GPRC6A: variants seen among roughly 807,000 people sequenced by gnomAD.
GPRC6A encodes G protein-coupled receptor family C group 6 member A.
A neutral mutation model predicts 47.0 loss-of-function variants in GPRC6A; 54 were observed. The ratio of observed to expected loss-of-function variants is 1.15; its 90% CI spans 0.92 to 1.44. The LOEUF (loss-of-function observed/expected upper bound fraction) is 1.44. Among genes scored for constraint, GPRC6A ranks in the 40% most tolerant of loss-of-function variants. The probability of loss-of-function intolerance (pLI) is 0.00; values close to 1 mark genes in which losing one functional copy is unlikely to be tolerated. For missense variants in GPRC6A, 1,112 were observed against 1,105.5 expected (o/e 1.01, Z -0.08); for synonymous variants, 347 against 377.1 (o/e 0.92, Z 0.93).
chr6:116,805,666 G>A (rs917407318), intron 3 of GPRC6A, among the ~76,000 whole-genome samples: 4 of 152,118 alleles, frequency 2.6e-5, no homozygotes, highest in Middle Eastern at 3.4e-3. Flanking sequence ...TAAATTTTAA[G>A]TTTCCCCAAA....
At chr6:116,801,475 T>G (rs369869072) in intron 3 of GPRC6A, among the ~76,000 whole-genome samples, 1 of 152,100 alleles carries the variant, frequency 6.6e-6, no homozygotes, top group African/African-American at 2.4e-5. Flanking sequence ...ACTTAATATA[T>G]AAGTATGTCA....
At position 116,828,975 on chromosome 6, in the gene GPRC6A, A is replaced by G. The variant is rs1038752309; in HGVS notation, c.39T>C (p.Ile13=). 30 of 1,613,098 alleles carry G rather than the reference A, an allele frequency of 1.9e-5. No homozygotes were observed. The highest frequency in any genetic ancestry group is 2.5e-5 in the Non-Finnish European group (30 of 1,179,466). The change falls in exon 1 of 6, where the codon ATT becomes ATC. Residue 13 remains isoleucine (I), a synonymous_variant. Coordinates refer to ENST00000310357, the MANE Select transcript of GPRC6A (RefSeq NM_148963.4). ...FLIILITCFV[I]ILATSQPCQT... Reference sequence around the variant, plus strand: ...GGCAAGGCTGTGAAGTAGCAAGAATAATCACAAAGCAGGTAATTAGTATAA... The same window carrying G: ...GGCAAGGCTGTGAAGTAGCAAGAATGATCACAAAGCAGGTAATTAGTATAA...
At chr6:116,795,657 G>GAA in intron 5 of GPRC6A, 55 bp downstream of exon 5, 2 of 1,359,210 alleles carry the variant, frequency 1.5e-6, no homozygotes, top group Non-Finnish European at 2.0e-6. Context: ...TTCATGCAAA[G>GAA]AAAAAAAAAG....
At chr6:116,818,338 T>C (rs1248025360) in intron 1 of GPRC6A, among the ~76,000 whole-genome samples, 41 of 148,782 alleles carry the variant, frequency 2.8e-4, no homozygotes, top group African/African-American at 9.2e-4. Flanking sequence ...ATCGAGACCA[T>C]CCCGGCTAAC....
At chr6:116,823,810 C>A (rs1773587260) in intron 1 of GPRC6A, among the ~76,000 whole-genome samples, 1 of 151,998 alleles carries the variant, frequency 6.6e-6, no homozygotes, top group Admixed American at 6.6e-5. Flanking sequence ...ATAATTATGG[C>A]AGAAGGCAAA....
intron 1 of GPRC6A, among the ~76,000 whole-genome samples, chr6:116,810,108 C>T (rs1044032862): frequency 6.6e-6 from 1 of 152,102 alleles, no homozygotes; most frequent in Non-Finnish European, 1.5e-5. Context: ...AGTTCTGAGA[C>T]ATAGCTATTT....
intron 1 of GPRC6A, among the ~76,000 whole-genome samples, 154 bp from the exon 2 acceptor site, chr6:116,809,771 G>T (rs1772968203): frequency 6.6e-6 from 1 of 152,010 alleles, no homozygotes; most frequent in South Asian, 2.1e-4. Flanking sequence ...AATTTTTCAT[G>T]ATAATATTTA....
At chr6:116,814,732 C>T (rs1214495657) in intron 1 of GPRC6A, among the ~76,000 whole-genome samples, 1 of 151,316 alleles carries the variant, frequency 6.6e-6, no homozygotes, top group Non-Finnish European at 1.5e-5. Context: ...TGCACATGTA[C>T]CCTAGAAATT....
chr6:116,803,523 T>G (rs1474664946), intron 3 of GPRC6A, among the ~76,000 whole-genome samples: 3 of 152,132 alleles, frequency 2.0e-5, no homozygotes, highest in South Asian at 2.1e-4. Context: ...TCAATCCCAC[T>G]GTGGAACCAC....
chr6:116,828,926 C>T lies in GPRC6A; in HGVS notation c.88G>A (p.Ala30Thr), dbSNP rs1308531710. The part of the protein sequence containing the change: ...PCQTPDDFVA[A>T]TSPGHIIIGG... ...ATTATGATATGTCCCGGAGAAGTGGCAGCCACAAAGTCATCAGGGGTCTGG... is the reference window on the plus strand; with the variant it reads ...ATTATGATATGTCCCGGAGAAGTGGTAGCCACAAAGTCATCAGGGGTCTGG... Residue 30 changes from alanine to threonine, a missense_variant, in exon 1 of 6, where the codon GCC (alanine) becomes ACC (threonine). Coordinates refer to ENST00000310357, the MANE Select transcript of GPRC6A (RefSeq NM_148963.4). The T allele has an allele frequency of 5.0e-6, 8 of 1,613,152 alleles. No individual in the cohort carries two copies. The highest frequency in any genetic ancestry group is 1.1e-5 in the South Asian group (1 of 91,022).
chr6:116,801,419 A>G (rs1167895258), intron 3 of GPRC6A, among the ~76,000 whole-genome samples: 2 of 152,170 alleles, frequency 1.3e-5, no homozygotes, highest in African/African-American at 2.4e-5. Context: ...GAAGAACAAT[A>G]GGCTGGAATG....
chr6:116,823,310 C>G (rs1204351139), intron 1 of GPRC6A, among the ~76,000 whole-genome samples: 1 of 152,156 alleles, frequency 6.6e-6, no homozygotes, highest in Non-Finnish European at 1.5e-5. Context: ...TCATCACTCT[C>G]AAGTTCAAAG....
At position 116,795,780 on chromosome 6, in the gene GPRC6A, G is replaced by C. The variant is rs138857695; in HGVS notation, c.1604C>G (p.Thr535Arg). 2.1e-5 allele frequency: 33 copies of C among 1,608,434 alleles called. No individual in the cohort carries two copies. The African/African-American group carries it at 3.9e-4, about 19-fold the overall frequency. Residue 535 changes from threonine to arginine, a missense_variant, in exon 5 of 6, where the codon ACA becomes AGA. Transcript: ENST00000310357. ...ATAGCAACAGATGTGTTGACTTCTT[G>C]TAGTTTTCTTCATTTGCCCAGGACT... ...ECSPGQMKKT[T>R]RSQHICCYEC...
chr6:116,793,922 C>A (rs779623995), intron 5 of GPRC6A, among the ~76,000 whole-genome samples: 1 of 152,084 alleles, frequency 6.6e-6, no homozygotes, highest in African/African-American at 2.4e-5. Context: ...AAATTGTAAT[C>A]GATGGCAATT....
chr6:116,800,541 C>T (rs375748413), intron 4 of GPRC6A, 43 bp downstream of exon 4: 15 of 1,241,888 alleles, frequency 1.2e-5, no homozygotes, highest in African/African-American at 5.9e-5. Context: ...AGTTGAGGTA[C>T]CAATTGCTTT....
Position 116,809,297 on chromosome 6 carries a change from G to C in GPRC6A, c.498+17C>G, listed in dbSNP as rs1772947997. On this transcript the variant is annotated intron_variant, in intron 2 of 5. Coordinates refer to ENST00000310357, the MANE Select transcript of GPRC6A (RefSeq NM_148963.4). ...AATGTGATCAAAAGCAATGTTTGGA[G>C]GTAGCACAAAACCTACCTGTGGCAT... 1 of 1,598,022 alleles carries C rather than the reference G, an allele frequency of 6.3e-7. No individual in the cohort carries two copies. Among genetic ancestry groups the C allele is most frequent in the South Asian group, 1.1e-5 (1 of 90,098 alleles).
Position 116,809,450 on chromosome 6 carries a change from T to C in GPRC6A, c.362A>G (p.Asn121Ser), listed in dbSNP as rs372080816. 2.4e-5 allele frequency: 38 copies of C among 1,613,656 alleles called. No individual in the cohort carries two copies. Among genetic ancestry groups the C allele is most frequent in the Non-Finnish European group, 3.1e-5 (37 of 1,179,846 alleles). ...AAACTCCACAGTTTCTCTGGAGCAG[T>C]TGAATTTAGAAAGAAACCTCAGAGT... ...AATLRFLSKF[N>S]CSRETVEFKC... Residue 121 changes from asparagine to serine, a missense_variant, in exon 2 of 6, where the codon AAC becomes AGC. Coordinates refer to ENST00000310357, the MANE Select transcript of GPRC6A (RefSeq NM_148963.4).
intron 3 of GPRC6A, 152 bp from the exon 4 acceptor site, chr6:116,800,948 G>A: frequency 1.6e-6 from 1 of 612,910 alleles, no homozygotes. Context: ...TAACTATCTG[G>A]CAACAATTTG....
At chr6:116,807,297 T>C (rs1772880513) in intron 2 of GPRC6A, 91 bp from the exon 3 acceptor site, 2 of 731,446 alleles carry the variant, frequency 2.7e-6, no homozygotes, top group East Asian at 4.9e-5. Context: ...TGCTGTAAAT[T>C]TTCATGACTT....
Sources: gnomAD v4.1 joint callset for allele counts (sites outside exome capture counted in the v4.1 genomes callset) on GRCh38, gnomAD v4.1.1 for gene constraint, MANE v1.5 for transcripts, NCBI Gene and HGNC (gene_info 2026-07-23, HGNC 2026-07-21) for gene names.